NFKB1: variants seen among roughly 807,000 people sequenced by gnomAD.
NFKB1 encodes the protein nuclear factor kappa B subunit 1, also known as nuclear factor NF-kappa-B p105 subunit.
In NFKB1, 9 loss-of-function variants were observed where a neutral mutation model predicts 105.1. The observed-to-expected ratio is 0.09, with a 90% CI of 0.05 to 0.15. The LOEUF is 0.15. Ranked by LOEUF, NFKB1 falls within the 10% of genes least tolerant of loss-of-function variation. The pLI is 1.00. For missense variants in NFKB1, 830 were observed against 1,203.7 expected, an observed-to-expected ratio of 0.69 and a Z score of 4.59; for synonymous variants, 440 against 442.2, an observed-to-expected ratio of 1.00 and a Z score of 0.06.
At chr4:102,577,637 G>C (rs1659822307) in intron 7 of NFKB1, 1 of 169,832 alleles carries the variant, frequency 5.9e-6, no homozygotes, top group Admixed American at 6.6e-5. Context: ...CTTTACTCTG[G>C]CCGTCCAGTC....
chr4:102,596,143 A>G lies in NFKB1; in HGVS notation c.1306A>G (p.Met436Val). Residue 436 changes from methionine (M) to valine (V), a missense_variant, in exon 14 of 24, where the codon ATG becomes GTG. Physicochemically the swap from Met to Val is conservative, Grantham distance 21. Transcript: ENST00000226574. ...TGTTTTTGCATTTATCTTAGGAACC[A>G]TGGACACTGAATCTAAAAAGGACCC... ...KSNAGMKHGTMDTESKKDPEG... is the reference protein window; with the variant it reads ...KSNAGMKHGTVDTESKKDPEG... 1 of 1,589,248 alleles carries G rather than the reference A, an allele frequency of 6.3e-7. No individual in the cohort carries two copies. The highest frequency in any genetic ancestry group is 8.6e-7 in the Non-Finnish European group (1 of 1,165,070).
At chr4:102,502,535 T>G (rs1472627654) in intron 1 of NFKB1, among the ~76,000 whole-genome samples, 1 of 152,174 alleles carries the variant, frequency 6.6e-6, no homozygotes, top group Admixed American at 6.5e-5. Context: ...TAGACTTGAT[T>G]ATGTAAAACT....
At chr4:102,565,334 G>C (rs997304828) in intron 5 of NFKB1, among the ~76,000 whole-genome samples, 2 of 152,122 alleles carry the variant, frequency 1.3e-5, no homozygotes, top group Non-Finnish European at 1.5e-5. Context: ...AGGCCTTGAG[G>C]TGGAGCTGCA....
intron 19 of NFKB1, among the ~76,000 whole-genome samples, chr4:102,608,320 C>T (rs970636764): frequency 6.6e-6 from 1 of 152,184 alleles, no homozygotes; most frequent in African/African-American, 2.4e-5. Flanking sequence ...CCAATCACCC[C>T]TTGTGACAAA....
intron 5 of NFKB1, among the ~76,000 whole-genome samples, chr4:102,566,613 C>G (rs541858925): frequency 6.6e-6 from 1 of 152,158 alleles, no homozygotes; most frequent in South Asian, 2.1e-4. Flanking sequence ...ATTTACCCAG[C>G]TTTTGTGACC....
intron 2 of NFKB1, among the ~76,000 whole-genome samples, chr4:102,527,499 A>G (rs1044275254): frequency 6.6e-6 from 1 of 152,188 alleles, no homozygotes; most frequent in Non-Finnish European, 1.5e-5. Context: ...CAGAAGTGGA[A>G]TATGTTTTAA....
At chr4:102,543,327 C>G (rs906773720) in intron 5 of NFKB1, among the ~76,000 whole-genome samples, 5 of 152,080 alleles carry the variant, frequency 3.3e-5, no homozygotes, top group Non-Finnish European at 7.4e-5. Context: ...TCTGTGTGGT[C>G]CACTCTATGC....
At chr4:102,607,774 A>G in intron 19 of NFKB1, 23 bp downstream of exon 19, 1 of 1,607,526 alleles carries the variant, frequency 6.2e-7, no homozygotes, top group Non-Finnish European at 8.5e-7. Flanking sequence ...TCTGGCGGTC[A>G]TTAATGAAAA....
chr4:102,558,368 A>G (rs992460667), intron 5 of NFKB1, among the ~76,000 whole-genome samples: 2 of 152,126 alleles, frequency 1.3e-5, no homozygotes, highest in Non-Finnish European at 2.9e-5. Context: ...TGTCCCTGCA[A>G]AGGACATGAT....
chr4:102,560,716 G>A (rs1170719234), intron 5 of NFKB1, among the ~76,000 whole-genome samples: 1 of 152,164 alleles, frequency 6.6e-6, no homozygotes, highest in Non-Finnish European at 1.5e-5. Flanking sequence ...ATGACTTTGG[G>A]TTATGTCACT....
chr4:102,600,651 TC>T (rs1727068670), intron 15 of NFKB1, among the ~76,000 whole-genome samples: 2 of 152,086 alleles, frequency 1.3e-5, no homozygotes. Flanking sequence ...ACCTGAATGC[TC>T]CCAGAGGCCA....
chr4:102,522,072 G>C (rs1331820921), intron 1 of NFKB1, among the ~76,000 whole-genome samples: 3 of 152,158 alleles, frequency 2.0e-5, no homozygotes, highest in African/African-American at 7.2e-5. Context: ...GCAAAGAATT[G>C]AACAAGGGAA....
chr4:102,504,233 T>C (rs1472282236), intron 1 of NFKB1, among the ~76,000 whole-genome samples: 1 of 152,218 alleles, frequency 6.6e-6, no homozygotes, highest in African/African-American at 2.4e-5. Flanking sequence ...CGGGTCTTAG[T>C]AGATGTGCTA....
At chr4:102,606,314 T>C (rs958813190) in intron 16 of NFKB1, among the ~76,000 whole-genome samples, 182 bp from the exon 17 acceptor site, 30 of 152,238 alleles carry the variant, frequency 2.0e-4, no homozygotes, top group African/African-American at 7.2e-4. Context: ...GTACAGTATA[T>C]GTACTTCATT....
chr4:102,613,469 A>C lies in NFKB1; in HGVS notation c.2637A>C (p.Gln879His), dbSNP rs199668563. ...GAGAGCTGGTGGAGGCCCTGAGACA[A>C]ATGGGCTACACCGAAGCAATTGAAG... ...TVRELVEALR[Q>H]MGYTEAIEVI... The change falls in exon 23 of 24, where the codon CAA becomes CAC. Residue 879 changes from glutamine (Q) to histidine (H), a missense_variant. Coordinates refer to ENST00000226574, the MANE Select transcript of NFKB1 (RefSeq NM_003998.4). 10 of 1,613,906 alleles carry C rather than the reference A, an allele frequency of 6.2e-6. No individual in the cohort carries two copies. Among genetic ancestry groups the C allele is most frequent in the Non-Finnish European group, 8.5e-6 (10 of 1,179,968 alleles).
rs542708570 is a variant in NFKB1, at chr4:102,533,257, G to A, written c.119-588G>A. Among the ~76,000 whole-genome samples the A allele has an allele frequency of 4.6e-5, 7 of 152,176 alleles. No homozygotes were observed. The East Asian group carries it at 1.4e-3, about 29-fold the overall frequency. Reference sequence around the variant, plus strand: ...AAGGGGAAACAAACTAACCAGTTAAGGAATGAAGGCAGTACTTTCCCTTCA... The same window carrying A: ...AAGGGGAAACAAACTAACCAGTTAAAGAATGAAGGCAGTACTTTCCCTTCA... On this transcript the variant is annotated intron_variant, in intron 3 of 23. Transcript: ENST00000226574.
intron 5 of NFKB1, among the ~76,000 whole-genome samples, chr4:102,547,020 T>A (rs1722191629): frequency 6.6e-6 from 1 of 152,152 alleles, no homozygotes; most frequent in Non-Finnish European, 1.5e-5. Context: ...CATAAAAATG[T>A]ATGTGGCTCA....
At position 102,552,358 on chromosome 4, in the gene NFKB1, G is replaced by A. The variant is rs75408368; in HGVS notation, c.258+14402G>A. On this transcript the variant is annotated intron_variant, in intron 5 of 23. Transcript: ENST00000226574. ...GTCACAAGAGGATGAAATAAGGAGC[G>A]GTGAATGGAAGCCCCAGGCGATAGA... 7.4e-4 allele frequency among the ~76,000 whole-genome samples: 113 copies of A among 152,180 alleles called. 1 individual carries two copies. The East Asian group carries it at 0.019, about 26-fold the overall frequency.
chr4:102,551,367 T>TGTGTGTGTGTGTGTGTGTGC (rs370790173), intron 5 of NFKB1, among the ~76,000 whole-genome samples: 21 of 150,200 alleles, frequency 1.4e-4, no homozygotes, highest in African/African-American at 5.1e-4. Flanking sequence ...TGTGTGTGTG[T>TGTGTGTGTGTGTGTGTGTGC]GCGCGCGCGC....
Sources: allele counts gnomAD v4.1 joint callset (sites outside exome capture counted in the v4.1 genomes callset), GRCh38; gene constraint gnomAD v4.1.1; transcripts MANE v1.5; gene names NCBI Gene and HGNC (gene_info 2026-07-23, HGNC 2026-07-21).